The following DIAPH2 variants were observed in gnomAD, a reference collection of about 807,000 sequenced individuals.
The protein encoded by DIAPH2 is protein diaphanous homolog 2.
DIAPH2 carries 35 observed loss-of-function variants against 92.7 expected under a neutral mutation model. The ratio of observed to expected loss-of-function variants is 0.38; its 90% CI spans 0.29 to 0.50. DIAPH2 has a LOEUF of 0.50. Among genes scored for constraint, DIAPH2 ranks in the 20% least tolerant of loss-of-function variants. The probability of loss-of-function intolerance (pLI) is 0.94; values close to 1 mark genes in which losing one functional copy is unlikely to be tolerated. For missense variants in DIAPH2, 701 were observed against 819.5 expected (o/e 0.86, Z 1.77); for synonymous variants, 301 against 280.4 (o/e 1.07, Z -0.73).
intron 4 of DIAPH2, among the ~76,000 whole-genome samples, chrX:96,874,853 A>T (rs184167516): frequency 8.9e-6 from 1 of 112,240 alleles, no homozygotes; most frequent in Non-Finnish European, 1.9e-5. Context: ...TAACATAAGA[A>T]GTAACAATAT....
At chrX:97,280,085 T>C (rs1201297968) in intron 23 of DIAPH2, among the ~76,000 whole-genome samples, 1 of 111,808 alleles carries the variant, frequency 8.9e-6, no homozygotes, top group Non-Finnish European at 1.9e-5. Context: ...CTTTGTAGTA[T>C]TTAACCTTTT....
At chrX:97,081,206 A>G (rs2066741684) in intron 19 of DIAPH2, among the ~76,000 whole-genome samples, 1 of 111,790 alleles carries the variant, frequency 8.9e-6, no homozygotes, top group African/African-American at 3.2e-5. Context: ...AAATTCTTTT[A>G]TCTATAAGCT....
chrX:97,342,576 T>C (rs766164835), intron 23 of DIAPH2, among the ~76,000 whole-genome samples: 24 of 112,430 alleles, frequency 2.1e-4, no homozygotes, highest in African/African-American at 7.1e-4. Flanking sequence ...TCGTTATTGT[T>C]GATTTTCATT....
At chrX:97,333,529 C>T (rs1343410062) in intron 23 of DIAPH2, among the ~76,000 whole-genome samples, 1 of 110,684 alleles carries the variant, frequency 9.0e-6, no homozygotes, top group African/African-American at 3.3e-5. Context: ...AATATCTAGT[C>T]AGTCACCATG....
chrX:97,106,362 C>T (rs779372838), intron 20 of DIAPH2, among the ~76,000 whole-genome samples: 2 of 111,359 alleles, frequency 1.8e-5, no homozygotes, highest in East Asian at 5.7e-4. Context: ...AAAGAAAACT[C>T]ACCATGACTC....
intron 22 of DIAPH2, among the ~76,000 whole-genome samples, chrX:97,246,580 A>G (rs1372537481): frequency 8.9e-6 from 1 of 112,559 alleles, no homozygotes; most frequent in Non-Finnish European, 1.9e-5. Flanking sequence ...TCATTGAGTT[A>G]TAAAGATGTG....
At position 96,758,268 on chromosome X, in the gene DIAPH2, G is replaced by C; in HGVS notation, c.447+10G>C. 1 of 1,183,398 alleles carries C rather than the reference G, an allele frequency of 8.5e-7. No homozygotes were observed. The highest frequency in any genetic ancestry group is 1.1e-6 in the Non-Finnish European group (1 of 877,959). On this transcript the variant is annotated intron_variant, in intron 4 of 26. Transcript: ENST00000324765. Reference sequence around the variant, plus strand: ...TGCCACTGCCAAATCTGTAAGTAGGGAGATTTTTCTAGCTCCAACAGAATG... The same window carrying C: ...TGCCACTGCCAAATCTGTAAGTAGGCAGATTTTTCTAGCTCCAACAGAATG...
intron 16 of DIAPH2, among the ~76,000 whole-genome samples, chrX:96,962,208 T>G (rs1272766392): frequency 4.1e-5 from 4 of 98,740 alleles, no homozygotes; most frequent in Non-Finnish European, 8.0e-5. Context: ...GCTCCAGTGT[T>G]GGGTACATAT....
intron 4 of DIAPH2, among the ~76,000 whole-genome samples, chrX:96,806,130 G>T (rs1034097406): frequency 1.3e-4 from 14 of 106,906 alleles, no homozygotes; most frequent in African/African-American, 4.0e-4. Flanking sequence ...AAACACAGGT[G>T]TAGTTTTACA....
chrX:97,433,765 A>G (rs1233137978), intron 26 of DIAPH2, among the ~76,000 whole-genome samples: 1 of 112,076 alleles, frequency 8.9e-6, no homozygotes, highest in Non-Finnish European at 1.9e-5. Context: ...AATAATTAAG[A>G]TAAGATTTCC....
chrX:97,384,343 G>T (rs988748968), intron 25 of DIAPH2, among the ~76,000 whole-genome samples: 1 of 111,693 alleles, frequency 9.0e-6, no homozygotes, highest in Admixed American at 9.6e-5. Context: ...TGGGTGAGAT[G>T]AAATGTGAAA....
At chrX:97,306,572 A>G (rs951755906) in intron 23 of DIAPH2, among the ~76,000 whole-genome samples, 1 of 111,521 alleles carries the variant, frequency 9.0e-6, no homozygotes, top group Non-Finnish European at 1.9e-5. Context: ...AGCATTACCA[A>G]TACTGCCAGG....
At chrX:97,292,708 G>A (rs1279985675) in intron 23 of DIAPH2, among the ~76,000 whole-genome samples, 3 of 109,897 alleles carry the variant, frequency 2.7e-5, no homozygotes, top group South Asian at 4.0e-4. Flanking sequence ...CACCATGCCC[G>A]GCTAATTTTT....
chrX:97,258,203 G>A (rs1191987222), intron 23 of DIAPH2, among the ~76,000 whole-genome samples: 2 of 111,861 alleles, frequency 1.8e-5, no homozygotes, highest in Non-Finnish European at 3.8e-5. Flanking sequence ...GAAAGAGGAA[G>A]ATGGAGCAAT....
chrX:96,912,677 C>A, intron 7 of DIAPH2, 125 bp downstream of exon 7: 1 of 798,280 alleles, frequency 1.3e-6, no homozygotes, highest in Non-Finnish European at 1.6e-6. Context: ...TGTATATAGG[C>A]GAACATGTGC....
At chrX:97,099,190 C>A (rs1021904668) in intron 19 of DIAPH2, among the ~76,000 whole-genome samples, 2 of 110,283 alleles carry the variant, frequency 1.8e-5, no homozygotes, top group African/African-American at 6.6e-5. Context: ...CACGGTGAAA[C>A]CCCGTCTCTA....
At chrX:97,361,159 T>A (rs1258168484) in intron 24 of DIAPH2, among the ~76,000 whole-genome samples, 1 of 109,868 alleles carries the variant, frequency 9.1e-6, no homozygotes, top group Non-Finnish European at 1.9e-5. Context: ...CCCAAAGTGT[T>A]GGAATTACAG....
intron 5 of DIAPH2, among the ~76,000 whole-genome samples, chrX:96,882,045 G>T (rs746768028): frequency 7.8e-4 from 64 of 81,534 alleles, no homozygotes; most frequent in African/African-American, 2.2e-3. Flanking sequence ...TTTGCTCCAT[G>T]ATTTTATTCT....
rs958682870 is a variant in DIAPH2 at position 97,255,143 on chromosome X, C to T, written c.2844+7304C>T. Among the ~76,000 whole-genome samples, 3 of 111,797 alleles carry T rather than the reference C, an allele frequency of 2.7e-5. No homozygotes were observed. In the Admixed American group the frequency reaches 2.9e-4, roughly 11 times the overall value. ...CCGACATTAAACCTTGTGCTTCTAA[C>T]CATGGTATTGTGCTGCCTCCGAGGT... On this transcript the variant is annotated intron_variant, in intron 23 of 26. Coordinates refer to ENST00000324765, the MANE Select transcript of DIAPH2 (RefSeq NM_006729.5).
Sources: allele counts gnomAD v4.1 joint callset (sites outside exome capture counted in the v4.1 genomes callset), GRCh38; gene constraint gnomAD v4.1.1; transcripts MANE v1.5; gene names NCBI Gene and HGNC (gene_info 2026-07-23, HGNC 2026-07-21).